Variants in XRCC4 observed in about 807,000 individuals in gnomAD.
The protein encoded by XRCC4 is X-ray repair cross complementing 4.
Under a neutral mutation model 39.1 loss-of-function variants are expected in XRCC4, and 28 were observed. The observed-to-expected ratio is 0.72, with a 90% confidence interval of 0.53 to 0.98. The LOEUF (loss-of-function observed/expected upper bound fraction) is 0.98, where lower values mean the gene tolerates loss of function less well. Among genes scored for constraint, XRCC4 ranks in the 50% least tolerant of loss-of-function variants. The probability of loss-of-function intolerance (pLI) is 0.00; values close to 1 mark genes in which losing one functional copy is unlikely to be tolerated. For missense variants in XRCC4, 350 were observed against 376.4 expected, an observed-to-expected ratio of 0.93 and a Z score of 0.58; for synonymous variants, 123 against 126.4, an observed-to-expected ratio of 0.97 and a Z score of 0.18.
At chr5:83,230,247 A>G (rs1415434749) in intron 6 of XRCC4, among the ~76,000 whole-genome samples, 1 of 152,054 alleles carries the variant, frequency 6.6e-6, no homozygotes, top group Non-Finnish European at 1.5e-5. Flanking sequence ...CTTATTAAGA[A>G]ACAAATTTCA....
chr5:83,298,918 G>A (rs1755182728), intron 7 of XRCC4, among the ~76,000 whole-genome samples: 1 of 151,724 alleles, frequency 6.6e-6, no homozygotes. Flanking sequence ...TATGTCCTTG[G>A]AGAAAGTTTA....
At chr5:83,142,480 G>A (rs1418147546) in intron 3 of XRCC4, among the ~76,000 whole-genome samples, 1 of 152,168 alleles carries the variant, frequency 6.6e-6, no homozygotes, top group Non-Finnish European at 1.5e-5. Flanking sequence ...CTTAGTTAAT[G>A]TGCTTAAATG....
chr5:83,286,405 A>G (rs73138265), intron 7 of XRCC4, among the ~76,000 whole-genome samples: 6,315 of 152,192 alleles, frequency 0.041, 423 homozygotes, highest in African/African-American at 0.14. Context: ...CATGATAGCC[A>G]TAACAGTGAT....
Position 83,108,854 on chromosome 5 carries a change from C to CTTTT in XRCC4, c.140-2164_140-2161dup, listed in dbSNP as rs370868182. ...TTAAATAGGAAGCATTTATCTTCTT[C>CTTTT]TTTTTTTTTTTTTAGAAGAGCTACT... On this transcript the variant is annotated intron_variant, in intron 2 of 7. Coordinates refer to ENST00000396027, the MANE Select transcript of XRCC4 (RefSeq NM_003401.5). Among the ~76,000 whole-genome samples the CTTTT allele has an allele frequency of 4.8e-4, 69 of 143,314 alleles. 1 individual carries two copies. Among genetic ancestry groups the CTTTT allele is most frequent in the Non-Finnish European group, 7.2e-4 (47 of 64,936 alleles). The allele number at this position is 143,314 out of a possible 152,430, so 94.0% of individuals were successfully genotyped here. A position where few individuals can be genotyped will look rare whatever the true frequency, so the allele number is the denominator to read the frequency against.
chr5:83,310,336 G>C (rs1198660757), intron 7 of XRCC4, among the ~76,000 whole-genome samples: 1 of 152,144 alleles, frequency 6.6e-6, no homozygotes, highest in Non-Finnish European at 1.5e-5. Flanking sequence ...CTAATTTGTC[G>C]AGGCTTGATT....
At position 83,203,633 on chromosome 5, in the gene XRCC4, A is replaced by G; in HGVS notation, c.564A>G (p.Lys188=). The change falls in exon 5 of 8, where the codon AAA becomes AAG. Residue 188 remains lysine (K), a synonymous_variant. Transcript: ENST00000396027. ...KRFILVLNEK[K]TKIRSLHNKL... ...TTATTCTGGTGTTGAATGAGAAGAA[A>G]ACAAAAATCAGAAGTTTGCATAATA... is the stretch of plus-strand genomic sequence containing the variant. The G allele has an allele frequency of 6.2e-7, 1 of 1,612,428 alleles. No individual in the cohort carries two copies. The highest frequency in any genetic ancestry group is 8.5e-7 in the Non-Finnish European group (1 of 1,179,290).
chr5:83,132,454 T>C (rs1054463746), intron 3 of XRCC4, among the ~76,000 whole-genome samples: 2 of 152,166 alleles, frequency 1.3e-5, no homozygotes, highest in African/African-American at 4.8e-5. Context: ...GAAGTTTTCC[T>C]GGATAATATC....
intron 3 of XRCC4, among the ~76,000 whole-genome samples, chr5:83,171,554 A>G (rs967714207): frequency 5.3e-5 from 8 of 152,160 alleles, no homozygotes; most frequent in African/African-American, 1.9e-4. Context: ...ACAATTCCAA[A>G]AGATAACAAT....
At chr5:83,141,974 A>G (rs1324144290) in intron 3 of XRCC4, among the ~76,000 whole-genome samples, 1 of 152,158 alleles carries the variant, frequency 6.6e-6, no homozygotes, top group Non-Finnish European at 1.5e-5. Flanking sequence ...TGTCTTCTGG[A>G]AAGTTCTTAT....
chr5:83,277,439 A>G (rs1456714256), intron 7 of XRCC4, among the ~76,000 whole-genome samples: 1 of 152,214 alleles, frequency 6.6e-6, no homozygotes, highest in African/African-American at 2.4e-5. Flanking sequence ...CACGGAGTGG[A>G]GCCCTCAGGC....
intron 6 of XRCC4, among the ~76,000 whole-genome samples, chr5:83,237,434 T>A (rs1752733252): frequency 1.3e-5 from 2 of 152,076 alleles, no homozygotes; most frequent in Admixed American, 1.3e-4. Flanking sequence ...CTAGAGGATG[T>A]TATATTAAGT....
chr5:83,355,805 T>G (rs1176898699), downstream of XRCC4, among the ~76,000 whole-genome samples: 1 of 152,046 alleles, frequency 6.6e-6, no homozygotes, highest in Non-Finnish European at 1.5e-5. Context: ...CCCGGCTAAT[T>G]TTTTGTATTT....
chr5:83,367,301 C>T, the XRCC4 span, among the ~76,000 whole-genome samples: 1 of 152,162 alleles, frequency 6.6e-6, no homozygotes, highest in Admixed American at 6.5e-5. Flanking sequence ...TCACATATTA[C>T]ATGTCTATGT....
intron 7 of XRCC4, among the ~76,000 whole-genome samples, chr5:83,287,163 T>G (rs550737155): frequency 6.6e-6 from 1 of 152,072 alleles, no homozygotes; most frequent in Non-Finnish European, 1.5e-5. Flanking sequence ...CCTTTTCACA[T>G]CAACATATTT....
chr5:83,228,182 GTTAT>G (rs1239224637), intron 6 of XRCC4, among the ~76,000 whole-genome samples: 2 of 152,028 alleles, frequency 1.3e-5, no homozygotes, highest in African/African-American at 4.8e-5. Context: ...TTATTAAAAT[GTTAT>G]TTATTTAGTT....
intron 6 of XRCC4, among the ~76,000 whole-genome samples, chr5:83,256,614 G>A (rs1753549428): frequency 6.7e-6 from 1 of 150,242 alleles, no homozygotes; most frequent in Non-Finnish European, 1.5e-5. Flanking sequence ...ACAGCATTGG[G>A]AAATCTTTCA....
At position 83,191,178 on chromosome 5, in the gene XRCC4, A is replaced by G. The variant is rs1750674839; in HGVS notation, c.316-4592A>G. Among the ~76,000 whole-genome samples, 4 of 152,336 alleles carry G rather than the reference A, an allele frequency of 2.6e-5. No homozygotes were observed. The South Asian group carries it at 8.3e-4, about 32-fold the overall frequency. Reference sequence around the variant, plus strand: ...GAAACAACCAAAGAAAAATATAAGCAGGATATAACTGAATAATACATTGTA... The same window carrying G: ...GAAACAACCAAAGAAAAATATAAGCGGGATATAACTGAATAATACATTGTA... On this transcript the variant is annotated intron_variant, in intron 3 of 7. Transcript: ENST00000396027.
At chr5:83,175,138 A>G (rs1749895727) in intron 3 of XRCC4, among the ~76,000 whole-genome samples, 1 of 152,206 alleles carries the variant, frequency 6.6e-6, no homozygotes, top group Non-Finnish European at 1.5e-5. Flanking sequence ...CAGAGTTTGA[A>G]AACTGAACTT....
chr5:83,331,278 G>A (rs1049186172), intron 7 of XRCC4, among the ~76,000 whole-genome samples: 2 of 152,180 alleles, frequency 1.3e-5, no homozygotes, highest in Non-Finnish European at 2.9e-5. Flanking sequence ...ATGTAACAAG[G>A]TAGACAACTT....
Sources: gnomAD v4.1 joint callset for allele counts (sites outside exome capture counted in the v4.1 genomes callset) on GRCh38, gnomAD v4.1.1 for gene constraint, MANE v1.5 for transcripts, NCBI Gene and HGNC (gene_info 2026-07-23, HGNC 2026-07-21) for gene names.